ANXA3: variants seen among roughly 807,000 people sequenced by gnomAD.
ANXA3 encodes annexin A3.
A neutral mutation model predicts 48.8 loss-of-function variants in ANXA3; 46 were observed. The observed-to-expected ratio is 0.94, with a 90% confidence interval of 0.74 to 1.21. The LOEUF (loss-of-function observed/expected upper bound fraction) is 1.21, where lower values mean the gene tolerates loss of function less well. Among genes scored for constraint, ANXA3 ranks in the 50% most tolerant of loss-of-function variants. ANXA3 has a pLI of 0.00. For missense variants in ANXA3, 383 were observed against 378.6 expected (o/e 1.01, Z -0.10); for synonymous variants, 128 against 134.7 (o/e 0.95, Z 0.35).
rs112626259 is a variant in ANXA3, at chr4:78,570,866, G to A, written c.16-2314G>A. ...ATGCCAGACACTGGAAGGTGGACAG[G>A]TAAGATCAACACAAAAGTTCCTAGA... On this transcript the variant is annotated intron_variant, in intron 2 of 12. Coordinates refer to ENST00000264908, the MANE Select transcript of ANXA3 (RefSeq NM_005139.3). 1.1e-3 allele frequency among the ~76,000 whole-genome samples: 168 copies of A among 152,262 alleles called. 1 individual carries two copies. Among genetic ancestry groups the A allele is most frequent in the African/African-American group, 3.5e-3 (146 of 41,536 alleles).
intron 3 of ANXA3, among the ~76,000 whole-genome samples, chr4:78,575,318 T>TA (rs1052974168): frequency 6.6e-6 from 1 of 152,124 alleles, no homozygotes; most frequent in African/African-American, 2.4e-5. Flanking sequence ...GTTTTTTTTT[T>TA]AACATTGGTG....
chr4:78,590,713 G>T (rs1355072349), intron 6 of ANXA3, among the ~76,000 whole-genome samples: 1 of 152,064 alleles, frequency 6.6e-6, no homozygotes. Flanking sequence ...AAGGGAAATG[G>T]CATGTTTTGG....
intron 12 of ANXA3, among the ~76,000 whole-genome samples, chr4:78,605,651 C>T (rs1392375910): frequency 1.3e-5 from 2 of 152,148 alleles, no homozygotes; most frequent in Non-Finnish European, 2.9e-5. Context: ...AATCTGGTCC[C>T]TTCTGTTTCT....
At chr4:78,604,232 G>T in intron 11 of ANXA3, 45 bp from the exon 12 acceptor site, 1 of 1,549,034 alleles carries the variant, frequency 6.5e-7, no homozygotes, top group Non-Finnish European at 8.8e-7. Flanking sequence ...ATGTTGCTTT[G>T]TGACCAATGA....
intron 3 of ANXA3, among the ~76,000 whole-genome samples, chr4:78,577,487 C>T (rs191392689): frequency 1.9e-4 from 29 of 152,286 alleles, no homozygotes; most frequent in Non-Finnish European, 3.2e-4. Context: ...GTACAATACA[C>T]AGCACCAAAT....
intron 10 of ANXA3, among the ~76,000 whole-genome samples, chr4:78,598,179 CCACACACACACACA>C (rs57634883): frequency 6.9e-6 from 1 of 144,666 alleles, no homozygotes; most frequent in Admixed American, 6.9e-5. Context: ...ATTAAAAAAA[CCACACACACACACA>C]CACACACACA....
Position 78,582,196 on chromosome 4 carries a change from A to T in ANXA3, c.218A>T (p.Lys73Met). 6.2e-7 allele frequency: 1 copy of T among 1,612,554 alleles called. No individual in the cohort carries two copies. Among genetic ancestry groups the T allele is most frequent in the Non-Finnish European group, 8.5e-7 (1 of 1,178,656 alleles). The change falls in exon 5 of 13, where the codon AAG becomes ATG. Residue 73 changes from lysine (K) to methionine (M), a missense_variant. Physicochemically the swap from Lys to Met is moderately conservative, Grantham distance 95. Coordinates refer to ENST00000264908, the MANE Select transcript of ANXA3 (RefSeq NM_005139.3). ...AYGKELKDDL[K>M]GDLSGHFEHL... ...TTTTAGGAGCTGAAAGATGACTTGA[A>T]GGGTGATCTCTCTGGCCACTTTGAG...
chr4:78,558,333 C>T (rs2109924098), intron 2 of ANXA3, among the ~76,000 whole-genome samples: 1 of 152,358 alleles, frequency 6.6e-6, no homozygotes, highest in Non-Finnish European at 1.5e-5. Flanking sequence ...ATTCTAACCA[C>T]TACTGAACTA....
chr4:78,553,639 C>G (rs1023386475), intron 1 of ANXA3, among the ~76,000 whole-genome samples: 3 of 152,176 alleles, frequency 2.0e-5, no homozygotes, highest in Non-Finnish European at 4.4e-5. Context: ...TAGACTCTAA[C>G]TGGAGAGTTG....
At chr4:78,573,472 A>G (rs995120208) in intron 3 of ANXA3, among the ~76,000 whole-genome samples, 2 of 152,234 alleles carry the variant, frequency 1.3e-5, no homozygotes, top group African/African-American at 4.8e-5. Context: ...ATTAAAAATT[A>G]CCACTGATAC....
intron 5 of ANXA3, among the ~76,000 whole-genome samples, chr4:78,585,493 C>T (rs2109939409): frequency 6.6e-6 from 1 of 152,334 alleles, no homozygotes; most frequent in Middle Eastern, 3.4e-3. Context: ...GCATATATCC[C>T]ATTGGTCAGA....
intron 10 of ANXA3, among the ~76,000 whole-genome samples, chr4:78,598,179 CCACACACA>C (rs57634883): frequency 1.3e-3 from 181 of 144,764 alleles, no homozygotes; most frequent in African/African-American, 4.3e-3. Context: ...ATTAAAAAAA[CCACACACA>C]CACACACACA....
chr4:78,577,602 C>T (rs1722981020), intron 3 of ANXA3, among the ~76,000 whole-genome samples: 1 of 152,200 alleles, frequency 6.6e-6, no homozygotes, highest in African/African-American at 2.4e-5. Context: ...CAGCATCTTT[C>T]ATTGGGAGGC....
At chr4:78,569,365 A>G (rs1262358808) in intron 2 of ANXA3, among the ~76,000 whole-genome samples, 1 of 152,208 alleles carries the variant, frequency 6.6e-6, no homozygotes, top group Non-Finnish European at 1.5e-5. Flanking sequence ...AAACTCAGCC[A>G]AGTATTGATT....
intron 10 of ANXA3, among the ~76,000 whole-genome samples, chr4:78,598,716 T>A (rs1460228085): frequency 6.6e-6 from 1 of 152,028 alleles, no homozygotes; most frequent in South Asian, 2.1e-4. Context: ...ACGTTTGTAT[T>A]TTTAGTAGAG....
intron 10 of ANXA3, among the ~76,000 whole-genome samples, chr4:78,598,146 C>T (rs999271365): frequency 6.6e-6 from 1 of 151,584 alleles, no homozygotes; most frequent in Non-Finnish European, 1.5e-5. Flanking sequence ...GTTTGGGCAA[C>T]ATAGCAAGAT....
intron 11 of ANXA3, 61 bp downstream of exon 11, chr4:78,601,629 A>T (rs1723545231): frequency 7.6e-6 from 10 of 1,323,100 alleles, no homozygotes; most frequent in African/African-American, 1.5e-5. Flanking sequence ...GAAAGTATGC[A>T]AATAGTAGAA....
At chr4:78,606,169 G>A (rs372132064) in intron 12 of ANXA3, among the ~76,000 whole-genome samples, 8 of 152,188 alleles carry the variant, frequency 5.3e-5, no homozygotes, top group Admixed American at 6.5e-5. Context: ...AGACCTCTCC[G>A]TCTCTTTGCT....
At chr4:78,582,569 A>G (rs1723093901) in intron 5 of ANXA3, 1 of 355,100 alleles carries the variant, frequency 2.8e-6, no homozygotes. Flanking sequence ...ATTAACCCCA[A>G]CACTCAAGCT....
Sources: gnomAD v4.1 joint callset for allele counts (sites outside exome capture counted in the v4.1 genomes callset) on GRCh38, gnomAD v4.1.1 for gene constraint, MANE v1.5 for transcripts, NCBI Gene and HGNC (gene_info 2026-07-23, HGNC 2026-07-21) for gene names.